The following GCSAML variants were observed in gnomAD, a reference collection of about 807,000 sequenced individuals.
GCSAML encodes the protein germinal center associated signaling and motility like.
In GCSAML, 9 loss-of-function variants were observed where a neutral mutation model predicts 13.0. That is an observed-to-expected ratio of 0.69 (90% confidence interval 0.42 to 1.21). The LOEUF (loss-of-function observed/expected upper bound fraction) is 1.21, where lower values mean the gene tolerates loss of function less well. Ranked by LOEUF, GCSAML falls within the 50% of genes most tolerant of loss-of-function variation. The probability of loss-of-function intolerance (pLI) is 0.00; values close to 1 mark genes in which losing one functional copy is unlikely to be tolerated. For missense variants in GCSAML, 143 were observed against 153.4 expected (o/e 0.93, Z 0.36); for synonymous variants, 37 against 52.9 (o/e 0.70, Z 1.31).
intron 2 of GCSAML, among the ~76,000 whole-genome samples, 199 bp downstream of exon 2, chr1:247,556,665 C>T (rs779607535): frequency 2.0e-5 from 3 of 152,014 alleles, no homozygotes; most frequent in Non-Finnish European, 2.9e-5. Flanking sequence ...GTATTAGCCA[C>T]GTGTTTTGTT....
At chr1:247,555,589 T>C (rs1397735494) in intron 1 of GCSAML, among the ~76,000 whole-genome samples, 1 of 152,204 alleles carries the variant, frequency 6.6e-6, no homozygotes, top group Non-Finnish European at 1.5e-5. Context: ...CAGCGTTGGT[T>C]CGAAATGCTT....
intron 2 of GCSAML, among the ~76,000 whole-genome samples, chr1:247,558,125 G>A (rs535964988): frequency 2.6e-5 from 4 of 152,192 alleles, no homozygotes; most frequent in Admixed American, 2.0e-4. Context: ...TTAGGAGCAC[G>A]ACTCATGGAA....
chr1:247,545,265 C>A (rs1253442978), upstream of GCSAML, among the ~76,000 whole-genome samples: 2 of 152,234 alleles, frequency 1.3e-5, no homozygotes, highest in African/African-American at 2.4e-5. Context: ...CCATGCCTTG[C>A]AGGACTGACT....
intron 1 of GCSAML, among the ~76,000 whole-genome samples, chr1:247,512,475 G>C (rs1666076849): frequency 6.6e-6 from 1 of 152,002 alleles, no homozygotes; most frequent in Non-Finnish European, 1.5e-5. Flanking sequence ...GCTCAGAGGA[G>C]TTTGTTATTG....
chr1:247,531,776 C>A, intron 2 of GCSAML: 1 of 1,614,168 alleles, frequency 6.2e-7, no homozygotes, highest in East Asian at 2.2e-5. Flanking sequence ...ACCACAGCCA[C>A]GTGGGAAGAA....
At position 247,554,439 on chromosome 1, in the gene GCSAML, C is replaced by G. The variant is rs1417071814; in HGVS notation, c.30-1968C>G. Among the ~76,000 whole-genome samples the G allele has an allele frequency of 3.3e-5, 5 of 151,952 alleles. 1 individual carries two copies. Among genetic ancestry groups the G allele is most frequent in the Admixed American group, 3.3e-4 (5 of 15,270 alleles). Reference sequence around the variant, plus strand: ...ATTATTCTTTTCTAAGATTTGGTTCCCTATCATATTTATTTTTACCCACAA... The same window carrying G: ...ATTATTCTTTTCTAAGATTTGGTTCGCTATCATATTTATTTTTACCCACAA... On this transcript the variant is annotated intron_variant, in intron 1 of 4. Transcript: ENST00000366488.
intron 1 of GCSAML, among the ~76,000 whole-genome samples, chr1:247,553,028 A>T (rs888366586): frequency 6.6e-6 from 1 of 152,214 alleles, no homozygotes; most frequent in Non-Finnish European, 1.5e-5. Flanking sequence ...TGCTGGGATT[A>T]CAGGCGTGAG....
At position 247,574,673 on chromosome 1, in the gene GCSAML, A is replaced by C; in HGVS notation, c.*291A>C. Reference sequence around the variant, plus strand: ...TTTCTTAGGACAATAATGTAAAATGAAAATAAATTTCTAATCCCCCTGACT... The same window carrying C: ...TTTCTTAGGACAATAATGTAAAATGCAAATAAATTTCTAATCCCCCTGACT... On this transcript the variant is annotated 3_prime_UTR_variant, in exon 5 of 5. Coordinates refer to ENST00000366488, the MANE Select transcript of GCSAML (RefSeq NM_145278.5). The C allele has an allele frequency of 2.9e-6, 1 of 339,712 alleles. No individual in the cohort carries two copies. The highest frequency in any genetic ancestry group is 5.3e-6 in the Non-Finnish European group (1 of 187,252). 21.0% of individuals were successfully genotyped at this position (339,712 alleles called of 1,614,324 possible).
intron 1 of GCSAML, chr1:247,524,705 A>C (rs549090327): frequency 6.6e-6 from 1 of 152,262 alleles, no homozygotes; most frequent in East Asian, 1.9e-4. Flanking sequence ...AGTTTATTTA[A>C]TACATATAAC....
At chr1:247,531,394 G>T in intron 2 of GCSAML, 1 of 700,846 alleles carries the variant, frequency 1.4e-6, no homozygotes, top group Non-Finnish European at 2.4e-6. Context: ...GTATTTTCTT[G>T]GTCTGGAAAT....
chr1:247,566,578 C>T (rs1387060492), intron 4 of GCSAML, among the ~76,000 whole-genome samples: 1 of 152,070 alleles, frequency 6.6e-6, no homozygotes, highest in African/African-American at 2.4e-5. Flanking sequence ...ATAACAAAAA[C>T]AGATGAAATT....
chr1:247,563,195 T>C (rs966321145), intron 2 of GCSAML, among the ~76,000 whole-genome samples: 5 of 152,130 alleles, frequency 3.3e-5, no homozygotes, highest in African/African-American at 1.2e-4. Flanking sequence ...TTAGAATTCG[T>C]AAGACCCTCT....
intron 1 of GCSAML, among the ~76,000 whole-genome samples, chr1:247,521,722 G>T (rs1039104114): frequency 2.6e-5 from 4 of 152,222 alleles, no homozygotes; most frequent in African/African-American, 9.6e-5. Flanking sequence ...CATGATCTCA[G>T]CTCGCTACAA....
chr1:247,571,487 G>A (rs1201012385), intron 4 of GCSAML, among the ~76,000 whole-genome samples: 2 of 152,128 alleles, frequency 1.3e-5, no homozygotes, highest in Non-Finnish European at 2.9e-5. Flanking sequence ...ATGAAATTCT[G>A]GGTTGAAAAT....
intron 4 of GCSAML, among the ~76,000 whole-genome samples, chr1:247,572,252 A>C (rs1668643461): frequency 1.3e-5 from 2 of 151,836 alleles, no homozygotes; most frequent in South Asian, 4.2e-4. Context: ...GCTGGCGAGG[A>C]GTTGTGATCT....
At chr1:247,534,437 A>C (rs1198957236) in intron 2 of GCSAML, among the ~76,000 whole-genome samples, 1 of 152,204 alleles carries the variant, frequency 6.6e-6, no homozygotes, top group Non-Finnish European at 1.5e-5. Context: ...TGTTGTCAGG[A>C]GAGAGCTCTT....
At chr1:247,531,818 C>T (rs1666975944) in intron 2 of GCSAML, 4 of 1,614,076 alleles carry the variant, frequency 2.5e-6, no homozygotes, top group Non-Finnish European at 2.5e-6. Flanking sequence ...CGCCCTTCTG[C>T]TGACCTGATC....
At chr1:247,541,618 C>G (rs917244609) in intron 2 of GCSAML, among the ~76,000 whole-genome samples, 1 of 152,128 alleles carries the variant, frequency 6.6e-6, no homozygotes, top group African/African-American at 2.4e-5. Flanking sequence ...AGATGTTGGC[C>G]TGAAACCCGG....
intron 1 of GCSAML, among the ~76,000 whole-genome samples, chr1:247,524,502 C>T (rs1289527589): frequency 3.3e-5 from 5 of 152,288 alleles, no homozygotes; most frequent in African/African-American, 1.2e-4. Context: ...TTCTCATTTG[C>T]TTGCTTTGTT....
Sources: allele counts gnomAD v4.1 joint callset (sites outside exome capture counted in the v4.1 genomes callset), GRCh38; gene constraint gnomAD v4.1.1; transcripts MANE v1.5; gene names NCBI Gene and HGNC (gene_info 2026-07-23, HGNC 2026-07-21).